CNTN4: variants seen among roughly 807,000 people sequenced by gnomAD.
The protein encoded by CNTN4 is contactin 4.
In CNTN4, 77 loss-of-function variants were observed where a neutral mutation model predicts 122.5. That is an observed-to-expected ratio of 0.63 (90% CI 0.52 to 0.76). CNTN4 has a LOEUF of 0.76. Among genes scored for constraint, CNTN4 ranks in the 30% least tolerant of loss-of-function variants. The pLI, the probability that CNTN4 is intolerant of heterozygous loss-of-function variation, is 0.00. For missense variants in CNTN4, 1,256 were observed against 1,259.1 expected, an observed-to-expected ratio of 1.00 and a Z score of 0.04; for synonymous variants, 512 against 447.0, an observed-to-expected ratio of 1.15 and a Z score of -1.83.
intron 3 of CNTN4, among the ~76,000 whole-genome samples, chr3:2,389,317 CTT>C (rs1217727675): frequency 7.9e-5 from 9 of 113,312 alleles, no homozygotes; most frequent in Admixed American, 7.2e-4. Flanking sequence ...CGTGATGTAT[CTT>C]CACATGGCTG....
chr3:2,419,882 AT>A (rs2047553061), intron 3 of CNTN4, among the ~76,000 whole-genome samples: 2 of 152,028 alleles, frequency 1.3e-5, no homozygotes, highest in Admixed American at 6.6e-5. Flanking sequence ...TCACATACTT[AT>A]TTCCCTGTGG....
intron 8 of CNTN4, among the ~76,000 whole-genome samples, chr3:2,871,913 T>A (rs940221190): frequency 6.6e-6 from 1 of 152,222 alleles, no homozygotes; most frequent in South Asian, 2.1e-4. Context: ...TTTATAGTTA[T>A]TTATCCAGAT....
At chr3:2,777,590 TA>T (rs1429856609) in intron 6 of CNTN4, among the ~76,000 whole-genome samples, 2 of 152,134 alleles carry the variant, frequency 1.3e-5, no homozygotes, top group Admixed American at 1.3e-4. Context: ...TGAGTCACCT[TA>T]AAAGTAGCCA....
chr3:2,803,443 A>G (rs2092393544), intron 6 of CNTN4, among the ~76,000 whole-genome samples: 1 of 152,192 alleles, frequency 6.6e-6, no homozygotes, highest in Non-Finnish European at 1.5e-5. Context: ...TCTTGAAAAT[A>G]TGTGTAAGAC....
intron 2 of CNTN4, among the ~76,000 whole-genome samples, chr3:2,311,943 A>G (rs1471395796): frequency 6.6e-6 from 1 of 152,110 alleles, no homozygotes; most frequent in Non-Finnish European, 1.5e-5. Flanking sequence ...ATTCTTAAGG[A>G]TGTGTATCTG....
At chr3:2,924,440 C>G (rs568862242) in intron 12 of CNTN4, among the ~76,000 whole-genome samples, 175 of 152,154 alleles carry the variant, frequency 1.2e-3, no homozygotes, top group African/African-American at 4.0e-3. Flanking sequence ...TGCAATGAGT[C>G]AGGCTTTTAA....
chr3:2,226,799 G>A (rs1221048241), intron 2 of CNTN4, among the ~76,000 whole-genome samples: 1 of 152,022 alleles, frequency 6.6e-6, no homozygotes, highest in Non-Finnish European at 1.5e-5. Context: ...ATATATTATT[G>A]AATAAGAATT....
At chr3:2,359,241 A>C (rs2045010088) in intron 3 of CNTN4, among the ~76,000 whole-genome samples, 1 of 151,876 alleles carries the variant, frequency 6.6e-6, no homozygotes, top group South Asian at 2.1e-4. Flanking sequence ...GAGTCAACTT[A>C]GTTTTTACAG....
At chr3:2,906,648 G>A (rs2094236708) in intron 12 of CNTN4, among the ~76,000 whole-genome samples, 2 of 151,800 alleles carry the variant, frequency 1.3e-5, no homozygotes, top group African/African-American at 4.8e-5. Flanking sequence ...GCCCAGCCTA[G>A]CCAAAATGGT....
At chr3:2,431,441 TA>T in intron 3 of CNTN4, among the ~76,000 whole-genome samples, 1 of 152,238 alleles carries the variant, frequency 6.6e-6, no homozygotes, top group Non-Finnish European at 1.5e-5. Context: ...GAGAATGGGA[TA>T]GGGCACATTG....
In CNTN4 at chr3:2,752,637, C is replaced by T. The variant is rs1321617207; in HGVS notation, c.358+6940C>T. 2.0e-5 allele frequency among the ~76,000 whole-genome samples: 3 copies of T among 152,188 alleles called. No homozygotes were observed. The East Asian group carries it at 5.8e-4, about 29-fold the overall frequency. On this transcript the variant is annotated intron_variant, in intron 6 of 24. Transcript: ENST00000418658. ...AAGTGCTGGGATTACAGGCGTGAGC[C>T]ACCGTGCCCAGCTGAGTAAATTGTT...
intron 2 of CNTN4, among the ~76,000 whole-genome samples, chr3:2,160,727 C>G (rs1456498371): frequency 6.6e-6 from 1 of 152,146 alleles, no homozygotes; most frequent in Non-Finnish European, 1.5e-5. Flanking sequence ...GGCTTGGCAT[C>G]TGTTGTCATT....
chr3:2,387,776 C>A (rs537782033), intron 3 of CNTN4, among the ~76,000 whole-genome samples: 1 of 152,206 alleles, frequency 6.6e-6, no homozygotes, highest in African/African-American at 2.4e-5. Flanking sequence ...GGATACACTT[C>A]CATTATTCTT....
At chr3:2,821,436 G>A (rs76584688) in intron 7 of CNTN4, among the ~76,000 whole-genome samples, 4,158 of 152,274 alleles carry the variant, frequency 0.027, 70 homozygotes, top group African/African-American at 0.058. Context: ...AAAAGGCAAT[G>A]ATTTGTTTTT....
intron 3 of CNTN4, among the ~76,000 whole-genome samples, chr3:2,353,173 C>G (rs1163912367): frequency 6.6e-6 from 1 of 151,918 alleles, no homozygotes; most frequent in Non-Finnish European, 1.5e-5. Context: ...CCAATCAGCA[C>G]TGTGTATCTA....
intron 3 of CNTN4, among the ~76,000 whole-genome samples, chr3:2,402,898 C>T (rs989187656): frequency 4.6e-5 from 7 of 152,116 alleles, no homozygotes; most frequent in South Asian, 2.1e-4. Flanking sequence ...CCTTGTGTAT[C>T]TCATCTTTTG....
At chr3:2,566,123 G>C (rs1395008078) in intron 3 of CNTN4, among the ~76,000 whole-genome samples, 1 of 152,108 alleles carries the variant, frequency 6.6e-6, no homozygotes, top group Non-Finnish European at 1.5e-5. Context: ...TGGCTTACTG[G>C]CACCTGGCTT....
chr3:2,557,999 A>G (rs1197220729), intron 3 of CNTN4, among the ~76,000 whole-genome samples: 9 of 152,186 alleles, frequency 5.9e-5, no homozygotes, highest in Admixed American at 5.9e-4. Context: ...TAAAATCTGC[A>G]ATGGTATACT....
chr3:2,716,354 A>G (rs2087497880), intron 4 of CNTN4, among the ~76,000 whole-genome samples: 1 of 151,272 alleles, frequency 6.6e-6, no homozygotes, highest in Non-Finnish European at 1.5e-5. Flanking sequence ...TATTATTATT[A>G]TGGGATTTAT....
Sources: gnomAD v4.1 joint callset for allele counts (sites outside exome capture counted in the v4.1 genomes callset) on GRCh38, gnomAD v4.1.1 for gene constraint, MANE v1.5 for transcripts, NCBI Gene and HGNC (gene_info 2026-07-23, HGNC 2026-07-21) for gene names.